PDE4B: variants seen among roughly 807,000 people sequenced by gnomAD.
PDE4B encodes the protein 3',5'-cyclic-AMP phosphodiesterase 4B.
PDE4B carries 20 observed loss-of-function variants against 82.2 expected under a neutral mutation model. That is an observed-to-expected ratio of 0.24 (90% CI 0.17 to 0.35). The LOEUF (loss-of-function observed/expected upper bound fraction) is 0.35, where lower values mean the gene tolerates loss of function less well. PDE4B is among the 10% of genes least tolerant of loss of function. PDE4B has a pLI of 1.00. For synonymous variants in PDE4B, 320 were observed against 318.9 expected (o/e 1.00, Z -0.04); for missense variants, 655 against 907.2 (o/e 0.72, Z 3.57).
intron 6 of PDE4B, among the ~76,000 whole-genome samples, chr1:66,263,799 TG>T (rs79277774): frequency 0.033 from 4,979 of 152,186 alleles, 210 homozygotes; most frequent in East Asian, 0.23. Flanking sequence ...TAACCTTTGA[TG>T]GGTAGATTGT....
chr1:65,909,900 C>T (rs1251596004), intron 1 of PDE4B, among the ~76,000 whole-genome samples: 3 of 152,132 alleles, frequency 2.0e-5, no homozygotes, highest in African/African-American at 7.2e-5. Context: ...ATCACCTTAA[C>T]TTGTATTACC....
At chr1:66,016,480 C>A (rs561137654) in intron 3 of PDE4B, among the ~76,000 whole-genome samples, 1 of 152,314 alleles carries the variant, frequency 6.6e-6, no homozygotes, top group Admixed American at 6.5e-5. Flanking sequence ...ACATCCACAT[C>A]ATCCTCTTCA....
chr1:66,275,190 G>A (rs1277054307), intron 7 of PDE4B, among the ~76,000 whole-genome samples: 4 of 152,222 alleles, frequency 2.6e-5, no homozygotes, highest in Non-Finnish European at 5.9e-5. Flanking sequence ...TGAAAGCCCT[G>A]TCTTGCATAA....
rs1653474843 is a variant in PDE4B, at chr1:66,027,039, C to T, written c.281+108204C>T. ...TGAAAGTGCATATTCAAATTCTTGGCCTTTGTTTTACCTGTTAGCTTTAAT... is the reference window on the plus strand; with the variant it reads ...TGAAAGTGCATATTCAAATTCTTGGTCTTTGTTTTACCTGTTAGCTTTAAT... On this transcript the variant is annotated intron_variant, in intron 3 of 16. Transcript: ENST00000341517. Among the ~76,000 whole-genome samples, 4 of 152,116 alleles carry T rather than the reference C, an allele frequency of 2.6e-5. No individual in the cohort carries two copies. The South Asian group carries it at 8.3e-4, about 32-fold the overall frequency.
intron 7 of PDE4B, among the ~76,000 whole-genome samples, chr1:66,328,546 G>A (rs1375419638): frequency 7.9e-5 from 12 of 152,196 alleles, no homozygotes; most frequent in Non-Finnish European, 1.8e-4. Context: ...TTGAACTTGT[G>A]TTTTATAAAT....
chr1:66,230,728 G>A lies in PDE4B; in HGVS notation c.282-16732G>A, dbSNP rs538756642. On this transcript the variant is annotated intron_variant, in intron 3 of 16. Coordinates refer to ENST00000341517, the MANE Select transcript of PDE4B (RefSeq NM_002600.4). ...TACTAACGTTAAATAACAAATGACC[G>A]GAAGCATCTTGCAATTCAATGTTAA... Among the ~76,000 whole-genome samples the A allele has an allele frequency of 7.2e-5, 11 of 152,214 alleles. No homozygotes were observed. In the South Asian group the frequency reaches 8.3e-4, roughly 11 times the overall value.
At chr1:65,920,299 G>GA (rs1204833940) in intron 3 of PDE4B, among the ~76,000 whole-genome samples, 3 of 152,168 alleles carry the variant, frequency 2.0e-5, no homozygotes, top group Non-Finnish European at 4.4e-5. Flanking sequence ...CTATTCTCCT[G>GA]AAGCCTCTAG....
chr1:65,868,010 T>C (rs573484465), intron 1 of PDE4B, among the ~76,000 whole-genome samples: 1 of 152,312 alleles, frequency 6.6e-6, no homozygotes, highest in South Asian at 2.1e-4. Flanking sequence ...TGTCTAAGTG[T>C]TGGATTCTAG....
At chr1:66,227,156 C>T (rs528105157) in intron 3 of PDE4B, among the ~76,000 whole-genome samples, 3 of 152,206 alleles carry the variant, frequency 2.0e-5, no homozygotes, top group South Asian at 4.1e-4. Flanking sequence ...GGCCATGTGG[C>T]GTCTAAGATG....
At chr1:66,310,007 G>T (rs1442358380) in intron 7 of PDE4B, among the ~76,000 whole-genome samples, 3 of 152,086 alleles carry the variant, frequency 2.0e-5, no homozygotes, top group South Asian at 2.1e-4. Flanking sequence ...ATGATAGCAG[G>T]CTTGGAACCT....
At chr1:65,855,495 T>TC (rs754196279) in intron 1 of PDE4B, among the ~76,000 whole-genome samples, 1 of 152,142 alleles carries the variant, frequency 6.6e-6, no homozygotes, top group Non-Finnish European at 1.5e-5. Context: ...CTTTACTGAT[T>TC]ACTCCAAGTG....
intron 7 of PDE4B, among the ~76,000 whole-genome samples, chr1:66,316,106 CA>C (rs755667615): frequency 4.6e-5 from 7 of 152,184 alleles, no homozygotes; most frequent in Non-Finnish European, 1.0e-4. Flanking sequence ...TTCATTCATT[CA>C]ATAAGTTCAA....
At chr1:66,105,416 G>A (rs1484417692) in intron 3 of PDE4B, among the ~76,000 whole-genome samples, 2 of 151,948 alleles carry the variant, frequency 1.3e-5, no homozygotes, top group East Asian at 1.9e-4. Context: ...TTGACTTGGC[G>A]ATGCGGGCTC....
chr1:65,808,371 C>T (rs996569995), intron 1 of PDE4B, among the ~76,000 whole-genome samples: 13 of 152,030 alleles, frequency 8.6e-5, no homozygotes, highest in African/African-American at 2.2e-4. Context: ...GGTCTTGCTA[C>T]GTTGCCCAGG....
At chr1:65,952,180 A>G (rs1649033247) in intron 3 of PDE4B, among the ~76,000 whole-genome samples, 1 of 152,050 alleles carries the variant, frequency 6.6e-6, no homozygotes, top group Non-Finnish European at 1.5e-5. Flanking sequence ...GGTGATTGTG[A>G]GGCCCGCTAA....
chr1:66,096,508 T>TATATATATA (rs59931848), intron 3 of PDE4B, among the ~76,000 whole-genome samples: 1 of 107,318 alleles, frequency 9.3e-6, no homozygotes, highest in Admixed American at 1.1e-4. Flanking sequence ...GTAAAAAAAA[T>TATATATATA]TATATATATA....
At chr1:65,866,504 T>C (rs774408184) in intron 1 of PDE4B, among the ~76,000 whole-genome samples, 12 of 152,194 alleles carry the variant, frequency 7.9e-5, no homozygotes, top group Non-Finnish European at 1.3e-4. Flanking sequence ...TTTTTGAATT[T>C]CCCTGTATTC....
intron 3 of PDE4B, among the ~76,000 whole-genome samples, chr1:66,169,827 A>G (rs1167510484): frequency 1.3e-5 from 2 of 152,144 alleles, no homozygotes; most frequent in Non-Finnish European, 2.9e-5. Context: ...TCTTTTTTGG[A>G]GGCATATTGG....
chr1:66,077,622 G>T (rs978336633), intron 3 of PDE4B, among the ~76,000 whole-genome samples: 13 of 152,058 alleles, frequency 8.5e-5, no homozygotes, highest in Admixed American at 1.3e-4. Flanking sequence ...ATTCTGGTCT[G>T]CCCTGCAATA....
Sources: allele counts gnomAD v4.1 joint callset (sites outside exome capture counted in the v4.1 genomes callset), GRCh38; gene constraint gnomAD v4.1.1; transcripts MANE v1.5; gene names NCBI Gene and HGNC (gene_info 2026-07-23, HGNC 2026-07-21).